The following REDIC1 variants were observed in gnomAD, a reference collection of about 807,000 sequenced individuals.
REDIC1 encodes HEI10 Interacting Protein 1.
At chr12:39,682,225 T>A in the REDIC1 span, among the ~76,000 whole-genome samples, 1 of 152,128 alleles carries the variant, frequency 6.6e-6, no homozygotes, top group Admixed American at 6.6e-5. Context: ...TGGTGATAAA[T>A]TTTCTCTGCA....
At chr12:39,697,174 G>T in the REDIC1 span, among the ~76,000 whole-genome samples, 1 of 152,208 alleles carries the variant, frequency 6.6e-6, no homozygotes, top group Non-Finnish European at 1.5e-5. Flanking sequence ...AGCAGACTTT[G>T]CAGTGGAAGC....
At chr12:39,779,205 A>G in the REDIC1 span, among the ~76,000 whole-genome samples, 4 of 152,326 alleles carry the variant, frequency 2.6e-5, no homozygotes, top group Non-Finnish European at 5.9e-5. Flanking sequence ...TTGGCAAGCC[A>G]TTCAACCTCA....
At chr12:39,646,291 C>A in the REDIC1 span, 3 of 668,162 alleles carry the variant, frequency 4.5e-6, no homozygotes, top group East Asian at 3.9e-5. Context: ...ATTTTTTATT[C>A]TTATTTTAAA....
At chr12:39,716,492 T>G in the REDIC1 span, among the ~76,000 whole-genome samples, 3 of 152,052 alleles carry the variant, frequency 2.0e-5, no homozygotes, top group African/African-American at 7.2e-5. Context: ...CAATCCAACT[T>G]TCTCTATTCT....
At chr12:39,808,984 C>T in the REDIC1 span, among the ~76,000 whole-genome samples, 4 of 151,994 alleles carry the variant, frequency 2.6e-5, no homozygotes, top group African/African-American at 7.2e-5. Context: ...TACTTGCTTA[C>T]CCTGATGTCG....
chr12:39,698,530 G>C, the REDIC1 span, among the ~76,000 whole-genome samples: 2 of 152,178 alleles, frequency 1.3e-5, no homozygotes, highest in South Asian at 4.1e-4. Context: ...TCATCCAGTA[G>C]CTACAGAATA....
At chr12:39,723,184 C>T in the REDIC1 span, among the ~76,000 whole-genome samples, 52 of 152,204 alleles carry the variant, frequency 3.4e-4, no homozygotes, top group Admixed American at 2.5e-3. Context: ...AGACTCTGTC[C>T]GATGTGTTTC....
chr12:39,835,214 C>T, the REDIC1 span, among the ~76,000 whole-genome samples: 1 of 152,006 alleles, frequency 6.6e-6, no homozygotes, highest in African/African-American at 2.4e-5. Flanking sequence ...GGTCTAAATT[C>T]TAGACTTCAA....
chr12:39,651,645 C>A, the REDIC1 span, among the ~76,000 whole-genome samples: 1 of 152,014 alleles, frequency 6.6e-6, no homozygotes, highest in Non-Finnish European at 1.5e-5. Context: ...GGGTTCCATC[C>A]CAGTCTATGA....
chr12:39,772,239 T>A, the REDIC1 span, among the ~76,000 whole-genome samples: 1 of 152,176 alleles, frequency 6.6e-6, no homozygotes, highest in Admixed American at 6.5e-5. Context: ...CTCAGTTCTC[T>A]CCCTTACCAG....
the REDIC1 span, chr12:39,647,925 G>A: frequency 6.2e-7 from 1 of 1,603,190 alleles, no homozygotes; most frequent in Non-Finnish European, 8.5e-7. Flanking sequence ...TTCACATCTG[G>A]AATAGCACCT....
chr12:39,793,649 T>G, the REDIC1 span, among the ~76,000 whole-genome samples: 7 of 152,216 alleles, frequency 4.6e-5, no homozygotes, highest in South Asian at 1.4e-3. Context: ...GGATATATAT[T>G]GCGTTAGGTA....
chr12:39,829,373 A>G, the REDIC1 span: 1 of 143,926 alleles, frequency 6.9e-6, no homozygotes, highest in Non-Finnish European at 1.5e-5. Flanking sequence ...CCATAAAAGA[A>G]TGTAATGTGA....
At chr12:39,711,295 A>G in the REDIC1 span, among the ~76,000 whole-genome samples, 2 of 149,168 alleles carry the variant, frequency 1.3e-5, no homozygotes, top group Non-Finnish European at 3.0e-5. Flanking sequence ...TAGTGTATAT[A>G]TAACATATAT....
chr12:39,705,852 T>G, the REDIC1 span, among the ~76,000 whole-genome samples: 1 of 152,056 alleles, frequency 6.6e-6, no homozygotes, highest in Non-Finnish European at 1.5e-5. Context: ...ACAGCTACTA[T>G]TTTACTTAAT....
chr12:39,712,878 TATATAC>T, the REDIC1 span, among the ~76,000 whole-genome samples: 2 of 119,932 alleles, frequency 1.7e-5, no homozygotes, highest in East Asian at 2.4e-4. Context: ...TATATACACG[TATATAC>T]ATATATGCAT....
the REDIC1 span, among the ~76,000 whole-genome samples, chr12:39,896,285 T>C: frequency 7.9e-6 from 1 of 125,800 alleles, no homozygotes; most frequent in Non-Finnish European, 1.7e-5. Flanking sequence ...TATACATGTA[T>C]GTATATGTGT....
At chr12:39,627,809 C>T in the REDIC1 span, among the ~76,000 whole-genome samples, 1 of 151,982 alleles carries the variant, frequency 6.6e-6, no homozygotes, top group South Asian at 2.1e-4. Context: ...AATTGCAATT[C>T]AGGGCATACA....
chr12:39,798,944 T>C, the REDIC1 span, among the ~76,000 whole-genome samples: 1 of 151,854 alleles, frequency 6.6e-6, no homozygotes, highest in Non-Finnish European at 1.5e-5. Flanking sequence ...AATTTGTAAA[T>C]TGTCTCCAAA....
Sources: allele counts gnomAD v4.1 joint callset (sites outside exome capture counted in the v4.1 genomes callset), GRCh38; gene constraint gnomAD v4.1.1; transcripts MANE v1.5; gene names NCBI Gene and HGNC (gene_info 2026-07-23, HGNC 2026-07-21).